PLCE1: variants seen among roughly 807,000 people sequenced by gnomAD.
The protein encoded by PLCE1 is 1-phosphatidylinositol 4,5-bisphosphate phosphodiesterase epsilon-1.
A neutral mutation model predicts 242.8 loss-of-function variants in PLCE1; 119 were observed. The ratio of observed to expected loss-of-function variants is 0.49; its 90% CI spans 0.42 to 0.57. The LOEUF (loss-of-function observed/expected upper bound fraction) is 0.57. Ranked by LOEUF, PLCE1 falls within the 20% of genes least tolerant of loss-of-function variation. The pLI, the probability that PLCE1 is intolerant of heterozygous loss-of-function variation, is 0.00. For synonymous variants in PLCE1, 945 were observed against 1,017.4 expected (o/e 0.93, Z 1.35); for missense variants, 2,441 against 2,788.8 (o/e 0.88, Z 2.81).
intron 4 of PLCE1, among the ~76,000 whole-genome samples, chr10:94,198,308 A>T (rs1412751267): frequency 1.3e-5 from 2 of 152,216 alleles, no homozygotes; most frequent in Non-Finnish European, 2.9e-5. Context: ...AGAAGTCTGG[A>T]CTGGAAGGTA....
At chr10:94,153,574 C>T (rs531262488) in intron 3 of PLCE1, among the ~76,000 whole-genome samples, 8 of 152,116 alleles carry the variant, frequency 5.3e-5, no homozygotes, top group African/African-American at 1.9e-4. Context: ...TAAAAGGCAT[C>T]CAGATAGGAA....
Position 94,030,840 on chromosome 10 carries a change from A to G in PLCE1, c.-207A>G. 1 of 590,972 alleles carries G rather than the reference A, an allele frequency of 1.7e-6. No homozygotes were observed. The highest frequency in any genetic ancestry group is 3.0e-6 in the Non-Finnish European group (1 of 337,534). 36.6% of individuals were successfully genotyped at this position (590,972 alleles called of 1,614,324 possible). A position where few individuals can be genotyped will look rare whatever the true frequency, so the allele number is the denominator to read the frequency against. The stretch of plus-strand genomic sequence containing the variant: ...TACCACCTTAAAACCCTGATCTAGA[A>G]AAAATATATATTCATGATAGGAAGT... On this transcript the variant is annotated 5_prime_UTR_variant, in exon 2 of 33. Coordinates refer to ENST00000371380, the MANE Select transcript of PLCE1 (RefSeq NM_016341.4).
intron 32 of PLCE1, among the ~76,000 whole-genome samples, chr10:94,325,848 T>C (rs528288359): frequency 1.2e-4 from 18 of 152,280 alleles, no homozygotes; most frequent in African/African-American, 4.3e-4. Flanking sequence ...ACTGTTCTAA[T>C]TTAGGTTTGA....
In PLCE1 at chr10:94,052,359, A is replaced by G. The variant is rs1048175475; in HGVS notation, c.1206+20107A>G. 2.0e-5 allele frequency among the ~76,000 whole-genome samples: 3 copies of G among 152,266 alleles called. No individual in the cohort carries two copies. In the East Asian group the frequency reaches 5.8e-4, roughly 29 times the overall value. ...AGGTAAGTGTGAGTCCCTCCTCCCT[A>G]CTTCTCCTTCTTAGAGTGAGGGACA... On this transcript the variant is annotated intron_variant, in intron 2 of 32. Transcript: ENST00000371380.
chr10:94,319,864 CTTTTTTTTTT>C (rs58610099), intron 29 of PLCE1, among the ~76,000 whole-genome samples: 17 of 92,912 alleles, frequency 1.8e-4, no homozygotes, highest in South Asian at 7.7e-4. Flanking sequence ...CAAAGGTGCT[CTTTTTTTTTT>C]TTTTTTTTTT....
chr10:94,013,018 C>T (rs1420395602), intron 1 of PLCE1, among the ~76,000 whole-genome samples: 1 of 152,194 alleles, frequency 6.6e-6, no homozygotes, highest in African/African-American at 2.4e-5. Flanking sequence ...TCTCTCTATC[C>T]TTGGGACTGA....
intron 3 of PLCE1, among the ~76,000 whole-genome samples, chr10:94,142,078 C>T (rs906774684): frequency 6.6e-6 from 1 of 152,156 alleles, no homozygotes; most frequent in South Asian, 2.1e-4. Context: ...ATGTGAGCCT[C>T]ATTGTGTTTT....
At position 94,103,728 on chromosome 10, in the gene PLCE1, T is replaced by C. The variant is rs373043791; in HGVS notation, c.1207-28446T>C. Among the ~76,000 whole-genome samples, 17 of 152,350 alleles carry C rather than the reference T, an allele frequency of 1.1e-4. No homozygotes were observed. In the East Asian group the frequency reaches 2.9e-3, roughly 26 times the overall value. On this transcript the variant is annotated intron_variant, in intron 2 of 32. Coordinates refer to ENST00000371380, the MANE Select transcript of PLCE1 (RefSeq NM_016341.4). Reference sequence around the variant, plus strand: ...ATGAAGCAAACTCAAGCATCTTGCCTCCTTCTATCCTTACCCACACGGTGT... The same window carrying C: ...ATGAAGCAAACTCAAGCATCTTGCCCCCTTCTATCCTTACCCACACGGTGT...
At chr10:94,254,456 T>A (rs2050994737) in intron 10 of PLCE1, 149 bp downstream of exon 10, 1 of 709,806 alleles carries the variant, frequency 1.4e-6, no homozygotes, top group Non-Finnish European at 2.6e-6. Context: ...CTAAAGGTAC[T>A]TCTGCAAGCA....
rs544905919 is a variant in PLCE1 at position 94,084,216 on chromosome 10, G to A, written c.1207-47958G>A. On this transcript the variant is annotated intron_variant, in intron 2 of 32. Coordinates refer to ENST00000371380, the MANE Select transcript of PLCE1 (RefSeq NM_016341.4). ...CTGGAAGCTCTCCAGTCTGGACTTT[G>A]AAAATTTAAATATTTTTCAAATTTA... 2.0e-5 allele frequency among the ~76,000 whole-genome samples: 3 copies of A among 152,258 alleles called. No individual in the cohort carries two copies. In the East Asian group the frequency reaches 5.8e-4, roughly 29 times the overall value.
At chr10:94,010,195 G>A (rs1048441471) in intron 1 of PLCE1, among the ~76,000 whole-genome samples, 3 of 152,244 alleles carry the variant, frequency 2.0e-5, no homozygotes, top group African/African-American at 7.2e-5. Context: ...CAGGGCATAT[G>A]GCAGTTTGTA....
At chr10:94,112,574 C>T (rs192092256) in intron 2 of PLCE1, among the ~76,000 whole-genome samples, 10 of 152,290 alleles carry the variant, frequency 6.6e-5, no homozygotes, top group African/African-American at 1.4e-4. Context: ...GAGTTCCCAA[C>T]GAACCCTGGC....
rs2050668187 is a variant in PLCE1, at chr10:94,246,064, C to G, written c.2539C>G (p.Pro847Ala). Residue 847 changes from proline (P) to alanine (A), a missense_variant, in exon 8 of 33, where the codon CCT becomes GCT. Transcript: ENST00000371380. ...CTTCGACCATGGGACGGAGCTCATC[C>G]CTTGGTACGTGCTGTCCATCCAAGC... ...KAFDHGTELI[P>A]WYVLSIQADV... 3.7e-6 allele frequency: 6 copies of G among 1,614,142 alleles called. No individual in the cohort carries two copies. Among genetic ancestry groups the G allele is most frequent in the Middle Eastern group, 1.6e-4 (1 of 6,062 alleles).
intron 2 of PLCE1, among the ~76,000 whole-genome samples, chr10:94,062,469 T>C (rs999134377): frequency 2.0e-5 from 3 of 152,146 alleles, no homozygotes; most frequent in African/African-American, 7.2e-5. Context: ...TGTGCCTATT[T>C]TATTGGACTT....
chr10:94,039,021 A>T (rs1480741070), intron 2 of PLCE1, among the ~76,000 whole-genome samples: 1 of 152,180 alleles, frequency 6.6e-6, no homozygotes, highest in African/African-American at 2.4e-5. Context: ...CACTTCGCAT[A>T]ATCTTTTCAA....
intron 3 of PLCE1, among the ~76,000 whole-genome samples, chr10:94,150,139 G>T (rs2047228946): frequency 6.6e-6 from 1 of 152,194 alleles, no homozygotes; most frequent in South Asian, 2.1e-4. Context: ...AACCTCCGTG[G>T]AGGTCATATG....
In PLCE1 at chr10:94,254,981, C is replaced by T. The variant is rs1589426281; in HGVS notation, c.3486C>T (p.Ala1162=). The change falls in exon 11 of 33, where the codon GCC becomes GCT. Residue 1162 remains alanine (A), a synonymous_variant. Coordinates refer to ENST00000371380, the MANE Select transcript of PLCE1 (RefSeq NM_016341.4). Reference sequence around the variant, plus strand: ...CAGCTGGGTCCCCCAACTTGGCTGCCGGGACGTCATCTCCCATCAGGCCAG... The same window carrying T: ...CAGCTGGGTCCCCCAACTTGGCTGCTGGGACGTCATCTCCCATCAGGCCAG... The part of the protein sequence containing the change: ...LTTAGSPNLA[A]GTSSPIRPVS... 4 of 1,613,992 alleles carry T rather than the reference C, an allele frequency of 2.5e-6. No homozygotes were observed. In the African/African-American group the frequency reaches 5.3e-5, roughly 22 times the overall value.
At chr10:94,279,953 T>G (rs78085836) in intron 20 of PLCE1, 42 bp downstream of exon 20, 1 of 1,604,336 alleles carries the variant, frequency 6.2e-7, no homozygotes, top group African/African-American at 1.3e-5. Flanking sequence ...GGAAAATTCT[T>G]GGATGATTTG....
chr10:94,245,856 T>C, intron 7 of PLCE1, 90 bp from the exon 8 acceptor site: 1 of 995,728 alleles, frequency 1.0e-6, no homozygotes, highest in South Asian at 1.3e-5. Context: ...CATAGTGCGA[T>C]GAAAAATAAA....
Sources: gnomAD v4.1 joint callset for allele counts (sites outside exome capture counted in the v4.1 genomes callset) on GRCh38, gnomAD v4.1.1 for gene constraint, MANE v1.5 for transcripts, NCBI Gene and HGNC (gene_info 2026-07-23, HGNC 2026-07-21) for gene names.